The following CACNA2D3 variants were observed in gnomAD, a reference collection of about 807,000 sequenced individuals.
CACNA2D3 encodes the protein voltage-dependent calcium channel subunit alpha-2/delta-3.
In CACNA2D3, 60 loss-of-function variants were observed where a neutral mutation model predicts 160.6. The observed-to-expected ratio is 0.37, with a 90% CI of 0.30 to 0.46. The LOEUF (loss-of-function observed/expected upper bound fraction) is 0.46, where lower values mean the gene tolerates loss of function less well. Ranked by LOEUF, CACNA2D3 falls within the 20% of genes least tolerant of loss-of-function variation. CACNA2D3 has a pLI of 1.00. For synonymous variants in CACNA2D3, 558 were observed against 492.9 expected, an observed-to-expected ratio of 1.13 and a Z score of -1.75; for missense variants, 1,205 against 1,365.0, an observed-to-expected ratio of 0.88 and a Z score of 1.85.
In CACNA2D3 at chr3:54,735,381, G is replaced by C. The variant is rs139776662; in HGVS notation, c.1168-17218G>C. Among the ~76,000 whole-genome samples, 221 of 152,260 alleles carry C rather than the reference G, an allele frequency of 1.5e-3. 1 individual carries two copies. Among genetic ancestry groups the C allele is most frequent in the Middle Eastern group, 6.8e-3 (2 of 294 alleles). ...ACATTGAGCACAGGACACATTTTGGGTCAGAAGTTTTCCAAAGGGGTGAAG... is the reference window on the plus strand; with the variant it reads ...ACATTGAGCACAGGACACATTTTGGCTCAGAAGTTTTCCAAAGGGGTGAAG... On this transcript the variant is annotated intron_variant, in intron 11 of 37. Coordinates refer to ENST00000474759, the MANE Select transcript of CACNA2D3 (RefSeq NM_018398.3).
chr3:54,781,059 C>T (rs1041151918), intron 13 of CACNA2D3, among the ~76,000 whole-genome samples: 1 of 152,132 alleles, frequency 6.6e-6, no homozygotes, highest in Non-Finnish European at 1.5e-5. Context: ...TTTTGTTAAA[C>T]ATAAGTTATT....
intron 5 of CACNA2D3, among the ~76,000 whole-genome samples, chr3:54,542,051 T>G (rs185568919): frequency 2.7e-5 from 4 of 150,644 alleles, no homozygotes; most frequent in Admixed American, 6.6e-5. Context: ...TGAATGAGAG[T>G]TTTTTTTGTT....
chr3:54,414,949 A>G (rs568037453), intron 4 of CACNA2D3, among the ~76,000 whole-genome samples: 1 of 152,210 alleles, frequency 6.6e-6, no homozygotes, highest in African/African-American at 2.4e-5. Context: ...ATTTCAATGA[A>G]CAAATACTTC....
chr3:54,198,044 A>G (rs1701112389), intron 2 of CACNA2D3, among the ~76,000 whole-genome samples: 1 of 152,212 alleles, frequency 6.6e-6, no homozygotes, highest in African/African-American at 2.4e-5. Context: ...AGTTCCAAGG[A>G]AAGTGAGAGT....
Position 54,968,027 on chromosome 3 carries a change from C to T in CACNA2D3, c.2450-423C>T, listed in dbSNP as rs142528700. ...CATGACAAGTGCTTTTCAAATGTTA[C>T]GTCTCAAAAACACATGCAGAGTACA... On this transcript the variant is annotated intron_variant, in intron 27 of 37. Transcript: ENST00000474759. Among the ~76,000 whole-genome samples the T allele has an allele frequency of 6.6e-3, 1,001 of 152,256 alleles. 16 individuals are homozygous for T. Among genetic ancestry groups the T allele is most frequent in the African/African-American group, 0.022 (920 of 41,554 alleles).
chr3:54,595,109 G>C (rs1400515596), intron 9 of CACNA2D3, among the ~76,000 whole-genome samples: 1 of 152,324 alleles, frequency 6.6e-6, no homozygotes, highest in South Asian at 2.1e-4. Flanking sequence ...GGACATTTAT[G>C]TGATAATGTA....
chr3:54,331,723 A>T (rs1206811146), intron 3 of CACNA2D3, among the ~76,000 whole-genome samples: 3 of 152,204 alleles, frequency 2.0e-5, no homozygotes, highest in African/African-American at 7.2e-5. Context: ...TCTTTTTTAA[A>T]GTTCCTGAAC....
intron 2 of CACNA2D3, among the ~76,000 whole-genome samples, chr3:54,131,629 G>C (rs1699709817): frequency 6.6e-6 from 1 of 152,232 alleles, no homozygotes; most frequent in Admixed American, 6.5e-5. Flanking sequence ...ATGAACAAGA[G>C]AGACTTGGAA....
At chr3:54,713,453 C>T (rs1271337556) in intron 11 of CACNA2D3, among the ~76,000 whole-genome samples, 1 of 152,176 alleles carries the variant, frequency 6.6e-6, no homozygotes, top group Non-Finnish European at 1.5e-5. Flanking sequence ...AAGTTAAGAG[C>T]CACCCTTCCC....
intron 27 of CACNA2D3, among the ~76,000 whole-genome samples, chr3:54,900,211 C>T (rs934609028): frequency 6.6e-6 from 1 of 152,168 alleles, no homozygotes; most frequent in African/African-American, 2.4e-5. Context: ...ATTAGGATGA[C>T]AGTGGGCATA....
At chr3:54,418,848 G>A (rs1446715790) in intron 4 of CACNA2D3, among the ~76,000 whole-genome samples, 1 of 152,086 alleles carries the variant, frequency 6.6e-6, no homozygotes, top group Non-Finnish European at 1.5e-5. Flanking sequence ...TATTATTGTC[G>A]TTATTATTTT....
intron 4 of CACNA2D3, among the ~76,000 whole-genome samples, chr3:54,416,484 C>T (rs998553454): frequency 1.3e-5 from 2 of 152,122 alleles, no homozygotes; most frequent in African/African-American, 2.4e-5. Context: ...AATGGTGACA[C>T]AGTTAAAAGC....
intron 4 of CACNA2D3, among the ~76,000 whole-genome samples, chr3:54,456,848 A>G (rs1228824765): frequency 6.6e-6 from 1 of 151,874 alleles, no homozygotes; most frequent in East Asian, 1.9e-4. Context: ...GTGTCCAGGA[A>G]TTTATCCATT....
rs534731070 is a variant in CACNA2D3 at position 54,464,665 on chromosome 3, A to C, written c.382-38827A>C. ...AGGGTGGGAGTGACCCAATTTTCCA[A>C]GTGCCGTCTGTCACCCCTTTCTTTG... On this transcript the variant is annotated intron_variant, in intron 4 of 37. Coordinates refer to ENST00000474759, the MANE Select transcript of CACNA2D3 (RefSeq NM_018398.3). Among the ~76,000 whole-genome samples the C allele has an allele frequency of 2.1e-3, 318 of 152,328 alleles. 4 individuals carry two copies. The highest frequency in any genetic ancestry group is 7.3e-3 in the African/African-American group (304 of 41,576).
chr3:54,328,452 T>C (rs555209038), intron 3 of CACNA2D3, among the ~76,000 whole-genome samples: 2 of 152,224 alleles, frequency 1.3e-5, no homozygotes, highest in African/African-American at 4.8e-5. Context: ...TGGCTAATTT[T>C]TGTATTTTTA....
chr3:54,826,751 C>T (rs1223915206), intron 14 of CACNA2D3, among the ~76,000 whole-genome samples: 1 of 152,134 alleles, frequency 6.6e-6, no homozygotes, highest in Admixed American at 6.5e-5. Context: ...TCCCCACCCC[C>T]ACCAACTGCT....
intron 27 of CACNA2D3, among the ~76,000 whole-genome samples, chr3:54,955,275 G>A (rs1219937908): frequency 6.6e-6 from 1 of 152,182 alleles, no homozygotes; most frequent in African/African-American, 2.4e-5. Context: ...AGGGACAAAG[G>A]TTGTCTTATT....
At chr3:54,207,412 C>T (rs1481995329) in intron 2 of CACNA2D3, among the ~76,000 whole-genome samples, 1 of 150,594 alleles carries the variant, frequency 6.6e-6, no homozygotes, top group Non-Finnish European at 1.5e-5. Context: ...TGATTTGACA[C>T]CACTGTAATC....
Position 55,018,247 on chromosome 3 carries a change from T to G in CACNA2D3, c.2917T>G (p.Tyr973Asp). The change falls in exon 35 of 38, where the codon TAT becomes GAT. Residue 973 changes from tyrosine (Y) to aspartate (D), a missense_variant. By Grantham distance (160) the Tyr-to-Asp change is radical. This residue lies in a region of CACNA2D3 where 911 missense variants were observed against 1,002.2 expected (regional missense o/e 0.91). Coordinates refer to ENST00000474759, the MANE Select transcript of CACNA2D3 (RefSeq NM_018398.3). ...GACCCTGGAGCCTTGTGATACTGAA[T>G]ATCCAGCATTCGTCTCTGAGCGCAC... ...KQTLEPCDTEYPAFVSERTIK... is the reference protein window; with the variant it reads ...KQTLEPCDTEDPAFVSERTIK... 6.2e-7 allele frequency: 1 copy of G among 1,613,370 alleles called. No individual in the cohort carries two copies. Among genetic ancestry groups the G allele is most frequent in the Non-Finnish European group, 8.5e-7 (1 of 1,179,552 alleles).
Sources: gnomAD v4.1 joint callset for allele counts (sites outside exome capture counted in the v4.1 genomes callset) on GRCh38, gnomAD v4.1.1 for gene constraint, gnomAD v4.1.1 regional missense constraint, MANE v1.5 for transcripts, NCBI Gene and HGNC (gene_info 2026-07-23, HGNC 2026-07-21) for gene names.